The following AP2A1 variants were observed in gnomAD, a reference collection of about 807,000 sequenced individuals.
The protein encoded by AP2A1 is AP-2 complex subunit alpha-1.
Under a neutral mutation model 107.3 loss-of-function variants are expected in AP2A1, and 21 were observed. The ratio of observed to expected loss-of-function variants is 0.20; its 90% CI spans 0.14 to 0.28. The LOEUF is 0.28. AP2A1 is among the 10% of genes least tolerant of loss of function. The pLI is 1.00. For missense variants in AP2A1, 873 were observed against 1,307.7 expected, an observed-to-expected ratio of 0.67 and a Z score of 5.13; for synonymous variants, 602 against 564.8, an observed-to-expected ratio of 1.07 and a Z score of -0.93.
At chr19:49,793,287 C>T (rs2073169702) in intron 6 of AP2A1, among the ~76,000 whole-genome samples, 195 bp downstream of exon 6, 1 of 152,224 alleles carries the variant, frequency 6.6e-6, no homozygotes. Flanking sequence ...CCTCCCTGGC[C>T]TCAGCTGCCC....
chr19:49,782,704 C>T lies in AP2A1; in HGVS notation c.453C>T (p.Ile151=). Residue 151 remains isoleucine (I), a synonymous_variant, in exon 4 of 23, where the codon ATC becomes ATT. Transcript: ENST00000354293. ...REMGEAFAAD[I]PRILVAGDSM... is the part of the protein sequence containing the mutation. ...TGGGCGAGGCCTTTGCCGCTGACAT[C>T]CCCCGCATCCTGGTGGCCGGGTAAG... 3 of 1,605,526 alleles carry T rather than the reference C, an allele frequency of 1.9e-6. No individual in the cohort carries two copies. Among genetic ancestry groups the T allele is most frequent in the Non-Finnish European group, 2.5e-6 (3 of 1,177,940 alleles).
At position 49,799,648 on chromosome 19, in the gene AP2A1, TGCGGCAGCGG is replaced by T. The variant is rs745735901; in HGVS notation, c.1160_1169del (p.Gln387LeufsTer37). 2 of 1,611,174 alleles carry T rather than the reference TGCGGCAGCGG, an allele frequency of 1.2e-6. No individual in the cohort carries two copies. The highest frequency in any genetic ancestry group is 1.7e-6 in the Non-Finnish European group (2 of 1,179,836). ...CCTCAGACGGAGCGGGACGTCAGCG[TGCGGCAGCGG>T]GCGGCTGACCTCCTCTACGCCATGT... On this transcript the variant is annotated frameshift_variant, in exon 10 of 23. Transcript: ENST00000354293. LOFTEE classifies it high-confidence loss of function.
chr19:49,786,912 G>T (rs7256959), intron 4 of AP2A1, among the ~76,000 whole-genome samples: 2 of 152,216 alleles, frequency 1.3e-5, no homozygotes, highest in Non-Finnish European at 2.9e-5. Context: ...CCAGGGTGGG[G>T]CTGTCTGGCT....
At chr19:49,793,898 CTTTTTT>C (rs956804227) in intron 6 of AP2A1, among the ~76,000 whole-genome samples, 187 of 74,556 alleles carry the variant, frequency 2.5e-3, no homozygotes, top group Non-Finnish European at 3.1e-3. Flanking sequence ...CTCATTGTTT[CTTTTTT>C]TTTTTTTTTT....
chr19:49,772,246 G>GTTTTTTTTTTT (rs71180653), intron 1 of AP2A1, among the ~76,000 whole-genome samples: 3 of 56,154 alleles, frequency 5.3e-5, no homozygotes, highest in African/African-American at 1.4e-4. Flanking sequence ...TTTTCATAGA[G>GTTTTTTTTTTT]TTTTTTTTTT....
intron 22 of AP2A1, 134 bp downstream of exon 22, chr19:49,806,387 T>G: frequency 6.9e-7 from 1 of 1,439,136 alleles, no homozygotes; most frequent in Non-Finnish European, 9.1e-7. Flanking sequence ...CTTTGTCCAC[T>G]TTTACTCCTC....
chr19:49,799,277 TCTC>T (rs1249902042), intron 8 of AP2A1, 47 bp from the exon 9 acceptor site: 3 of 1,587,446 alleles, frequency 1.9e-6, no homozygotes, highest in African/African-American at 2.7e-5. Context: ...TCCTCCACCT[TCTC>T]CTGTCAGTTT....
rs556729850 is a variant in AP2A1, at chr19:49,798,172, C to T, written c.815-630C>T. Among the ~76,000 whole-genome samples the T allele has an allele frequency of 6.2e-4, 95 of 152,338 alleles. 2 individuals carry two copies. The highest frequency in any genetic ancestry group is 6.8e-3 in the Middle Eastern group (2 of 294). On this transcript the variant is annotated intron_variant, in intron 7 of 22. Transcript: ENST00000354293. ...CAGCTCTTGCATACACTTGAAAACA[C>T]GTCACATTCTAGGAAACGTGGTGAT...
Position 49,806,204 on chromosome 19 carries a change from C to T in AP2A1, c.2741C>T (p.Ala914Val). ...FVGAGIIQTK[A>V]LQVGCLLRLE... ...GGGGCGGGGATCATCCAGACTAAAG[C>T]CCTGCAGGTGGGCTGTCTGCTTCGG... The change falls in exon 22 of 23, where the codon GCC becomes GTC. Residue 914 changes from alanine to valine, a missense_variant. Physicochemically the swap from Ala to Val is moderately conservative, Grantham distance 64. This residue lies in a region of AP2A1 where 416 missense variants were observed against 473.4 expected (regional missense o/e 0.88). Transcript: ENST00000354293. The T allele has an allele frequency of 6.2e-7, 1 of 1,603,862 alleles. No individual in the cohort carries two copies. Among genetic ancestry groups the T allele is most frequent in the Non-Finnish European group, 8.5e-7 (1 of 1,175,572 alleles).
At position 49,785,602 on chromosome 19, in the gene AP2A1, G is replaced by T. The variant is rs1206890081; in HGVS notation, c.473+2878G>T. Among the ~76,000 whole-genome samples, 1 of 151,874 alleles carries T rather than the reference G, an allele frequency of 6.6e-6. No individual in the cohort carries two copies. The highest frequency in any genetic ancestry group is 1.5e-5 in the Non-Finnish European group (1 of 67,938). Reference sequence around the variant, plus strand: ...AGGGAGAGAGATCTGAGAGAGATCGGCACCGTCCAATAAAAATATAATGCA... The same window carrying T: ...AGGGAGAGAGATCTGAGAGAGATCGTCACCGTCCAATAAAAATATAATGCA... On this transcript the variant is annotated intron_variant, in intron 4 of 22. Coordinates refer to ENST00000354293, the MANE Select transcript of AP2A1 (RefSeq NM_130787.3). The surrounding 1 kb of genome is among the most constrained non-coding windows in gnomAD (Gnocchi z 4.1).
intron 1 of AP2A1, among the ~76,000 whole-genome samples, chr19:49,770,391 G>T (rs931491766): frequency 6.6e-6 from 1 of 152,170 alleles, no homozygotes; most frequent in Non-Finnish European, 1.5e-5. Context: ...CGGCTGGTAT[G>T]TCTCAAGAAT....
rs1408266029 is a variant in AP2A1 at position 49,788,049 on chromosome 19, T to G, written c.474-3886T>G. Among the ~76,000 whole-genome samples the G allele has an allele frequency of 3.9e-5, 6 of 152,122 alleles. No homozygotes were observed. The highest frequency in any genetic ancestry group is 2.9e-5 in the Non-Finnish European group (2 of 68,008). On this transcript the variant is annotated intron_variant, in intron 4 of 22. Coordinates refer to ENST00000354293, the MANE Select transcript of AP2A1 (RefSeq NM_130787.3). This position sits in a 1 kb window ranked among gnomAD's most constrained non-coding sequence, Gnocchi z 4.5. ...GCAGCCCTGACCTCCCAGGCTCAGG[T>G]GATCCTCCCACGTCAGCCACTCCAG...
intron 1 of AP2A1, among the ~76,000 whole-genome samples, chr19:49,774,855 G>T (rs958153267): frequency 6.6e-6 from 1 of 151,266 alleles, no homozygotes; most frequent in Non-Finnish European, 1.5e-5. Context: ...GGAGGTGGAG[G>T]TTGCAGTGAG....
chr19:49,767,083 C>T lies in AP2A1; in HGVS notation c.-51C>T. The T allele has an allele frequency of 5.0e-6, 8 of 1,594,606 alleles. No homozygotes were observed. In the Admixed American group the frequency reaches 6.8e-5, roughly 14 times the overall value. Reference sequence around the variant, plus strand: ...CGCCCGGTCCCCGCTTGCCAGCCCCCGCTGCTCTGTGCCCTGTCCGGCCAG... The same window carrying T: ...CGCCCGGTCCCCGCTTGCCAGCCCCTGCTGCTCTGTGCCCTGTCCGGCCAG... On this transcript the variant is annotated 5_prime_UTR_variant, in exon 1 of 23. Transcript: ENST00000354293.
At chr19:49,789,648 G>C (rs559712700) in intron 4 of AP2A1, among the ~76,000 whole-genome samples, 1 of 147,758 alleles carries the variant, frequency 6.8e-6, no homozygotes, top group East Asian at 2.0e-4. Context: ...TGGCCAGGCC[G>C]GTCTCAAACA....
At chr19:49,784,773 C>T (rs1052118080) in intron 4 of AP2A1, among the ~76,000 whole-genome samples, 6 of 151,944 alleles carry the variant, frequency 3.9e-5, no homozygotes, top group African/African-American at 1.5e-4. Context: ...GAGGCTGAGG[C>T]AGGAGGATTG....
At chr19:49,793,492 G>T (rs535726080) in intron 6 of AP2A1, among the ~76,000 whole-genome samples, 5 of 152,148 alleles carry the variant, frequency 3.3e-5, no homozygotes, top group African/African-American at 1.2e-4. Context: ...TCTTTCCTGT[G>T]CAGCCTCTCA....
rs759251973 is a variant in AP2A1 at position 49,791,997 on chromosome 19, C to T, written c.536C>T (p.Ser179Leu). The part of the protein sequence containing the change: ...ALCLLRLYKA[S>L]PDLVPMGEWT... ...TGCCTCCTTCGACTGTACAAGGCCT[C>T]GCCTGACCTGGTGCCCATGGGCGAG... The change falls in exon 5 of 23, where the codon TCG becomes TTG. Residue 179 changes from serine (S) to leucine (L), a missense_variant. Ser to Leu is a moderately radical substitution (Grantham distance 145). Transcript: ENST00000354293. 14 of 1,612,692 alleles carry T rather than the reference C, an allele frequency of 8.7e-6. No individual in the cohort carries two copies. The highest frequency in any genetic ancestry group is 1.0e-5 in the Non-Finnish European group (12 of 1,179,508).
chr19:49,775,122 G>A (rs971180260), intron 1 of AP2A1, among the ~76,000 whole-genome samples: 21 of 151,922 alleles, frequency 1.4e-4, no homozygotes, highest in African/African-American at 2.4e-4. Flanking sequence ...TAGCTTCTTC[G>A]GAGGCTGAGA....
Sources: allele counts gnomAD v4.1 joint callset (sites outside exome capture counted in the v4.1 genomes callset), GRCh38; gene constraint gnomAD v4.1.1; regional missense constraint gnomAD v4.1.1; non-coding constraint Gnocchi (gnomAD v3.1); transcripts MANE v1.5; gene names NCBI Gene and HGNC (gene_info 2026-07-23, HGNC 2026-07-21).